NEMP2: variants seen among roughly 807,000 people sequenced by gnomAD.
The protein encoded by NEMP2 is nuclear envelope integral membrane protein 2.
Under a neutral mutation model 54.2 loss-of-function variants are expected in NEMP2, and 53 were observed. The ratio of observed to expected loss-of-function variants is 0.98; its 90% CI spans 0.78 to 1.23. NEMP2 has a LOEUF of 1.23. NEMP2 is among the 50% of genes most tolerant of loss of function. NEMP2 has a pLI of 0.00. For missense variants in NEMP2, 455 were observed against 511.3 expected (o/e 0.89, Z 1.06); for synonymous variants, 197 against 190.3 (o/e 1.04, Z -0.29).
chr2:190,615,642 G>A, the NEMP2 span, among the ~76,000 whole-genome samples: 4 of 152,136 alleles, frequency 2.6e-5, no homozygotes, highest in Non-Finnish European at 2.9e-5. This position sits in a 1 kb window ranked among gnomAD's most constrained non-coding sequence, Gnocchi z 4.7. Flanking sequence ...CTCCCCTCCC[G>A]AGAGATGAGG....
the NEMP2 span, among the ~76,000 whole-genome samples, chr2:190,584,650 A>G: frequency 6.6e-6 from 1 of 152,092 alleles, no homozygotes; most frequent in Admixed American, 6.6e-5. The surrounding 1 kb of genome is among the most constrained non-coding windows in gnomAD (Gnocchi z 4.2). Context: ...AGGCAGGAGG[A>G]TTACTTGAGG....
At chr2:190,497,476 C>A in the NEMP2 span, 1 of 1,614,142 alleles carries the variant, frequency 6.2e-7, no homozygotes, top group Non-Finnish European at 8.5e-7. The surrounding 1 kb of genome is among the most constrained non-coding windows in gnomAD (Gnocchi z 5.2). Flanking sequence ...CTGTTCCCTC[C>A]AGTCCCGTTC....
the NEMP2 span, among the ~76,000 whole-genome samples, chr2:190,422,196 T>C: frequency 6.6e-6 from 1 of 152,210 alleles, no homozygotes. Flanking sequence ...TCACCAGCCA[T>C]CTAAATTTCC....
At chr2:190,499,387 T>C (rs891294180), downstream of NEMP2, among the ~76,000 whole-genome samples, 3 of 152,210 alleles carry the variant, frequency 2.0e-5, no homozygotes, top group East Asian at 3.8e-4. This position sits in a 1 kb window ranked among gnomAD's most constrained non-coding sequence, Gnocchi z 6.0. Context: ...CAATATGGCA[T>C]TTATGGAAAT....
chr2:190,486,552 C>T, the NEMP2 span, among the ~76,000 whole-genome samples: 2 of 152,202 alleles, frequency 1.3e-5, no homozygotes, highest in Non-Finnish European at 2.9e-5. Context: ...TTTTCATTTG[C>T]TTCCCATCTC....
At chr2:190,432,842 T>G in the NEMP2 span, among the ~76,000 whole-genome samples, 1 of 126,034 alleles carries the variant, frequency 7.9e-6, no homozygotes, top group African/African-American at 3.1e-5. Flanking sequence ...ACACACACAC[T>G]CTCTCTCTCT....
chr2:190,514,334 A>G lies in NEMP2; in HGVS notation c.953+119T>C. ...CCCTACACCCCCAATCTTGCTCAGA[A>G]TGAAATCTCCAGATCAAATGTAATT... is the stretch of plus-strand genomic sequence containing the variant. On this transcript the variant is annotated intron_variant, in intron 7 of 8. Coordinates refer to ENST00000409150, the MANE Select transcript of NEMP2 (RefSeq NM_001142645.2). This position sits in a 1 kb window ranked among gnomAD's most constrained non-coding sequence, Gnocchi z 5.7. 1 of 1,012,718 alleles carries G rather than the reference A, an allele frequency of 9.9e-7. No homozygotes were observed. The allele number at this position is 1,012,718 out of a possible 1,614,324, so 62.7% of individuals were successfully genotyped here. A position where few individuals can be genotyped will look rare whatever the true frequency, so the allele number is the denominator to read the frequency against.
the NEMP2 span, among the ~76,000 whole-genome samples, chr2:190,472,288 C>T: frequency 3.9e-5 from 6 of 152,026 alleles, no homozygotes; most frequent in African/African-American, 1.2e-4. Context: ...CAAACTACTC[C>T]GAGCTAAAGG....
the NEMP2 span, among the ~76,000 whole-genome samples, chr2:190,491,537 G>A: frequency 6.6e-6 from 1 of 152,160 alleles, no homozygotes; most frequent in African/African-American, 2.4e-5. This position sits in a 1 kb window ranked among gnomAD's most constrained non-coding sequence, Gnocchi z 4.2. Flanking sequence ...CCTGCTGGGT[G>A]GGCTAGATCC....
At chr2:190,532,360 C>A (rs1352750894) in intron 1 of NEMP2, among the ~76,000 whole-genome samples, 5 of 152,140 alleles carry the variant, frequency 3.3e-5, no homozygotes, top group Non-Finnish European at 5.9e-5. Context: ...AGGTCTTTAA[C>A]TTCAAGTTCA....
chr2:190,595,107 T>C, the NEMP2 span, among the ~76,000 whole-genome samples: 1,331 of 152,072 alleles, frequency 8.8e-3, 7 homozygotes, highest in Middle Eastern at 0.031. The surrounding 1 kb of genome is among the most constrained non-coding windows in gnomAD (Gnocchi z 4.0). Context: ...ATAAATTAGG[T>C]TGTCATCTGA....
the NEMP2 span, among the ~76,000 whole-genome samples, chr2:190,605,668 AC>A: frequency 6.6e-6 from 1 of 151,870 alleles, no homozygotes; most frequent in Non-Finnish European, 1.5e-5. Context: ...TAGCCATCGC[AC>A]CCAGCCCTAC....
the NEMP2 span, among the ~76,000 whole-genome samples, chr2:190,429,202 A>G: frequency 6.7e-6 from 1 of 149,718 alleles, no homozygotes; most frequent in South Asian, 2.1e-4. Context: ...ATAAATTTTT[A>G]TATATCTGTA....
chr2:190,436,087 T>G, the NEMP2 span: 2 of 1,614,164 alleles, frequency 1.2e-6, no homozygotes, highest in Non-Finnish European at 1.7e-6. This position sits in a 1 kb window ranked among gnomAD's most constrained non-coding sequence, Gnocchi z 5.3. Flanking sequence ...GAAGAGAAAG[T>G]ATGTGCTTGC....
chr2:190,599,391 G>A, the NEMP2 span, among the ~76,000 whole-genome samples: 1 of 152,078 alleles, frequency 6.6e-6, no homozygotes, highest in African/African-American at 2.4e-5. Flanking sequence ...GGCAGGCCTC[G>A]AGGAACATCA....
chr2:190,534,724 G>A (rs1691307536), upstream of NEMP2: 1 of 1,147,092 alleles, frequency 8.7e-7, no homozygotes, highest in South Asian at 3.8e-5. Flanking sequence ...AGCGGAAGTG[G>A]CGCGGGGGCT....
chr2:190,427,818 A>C, the NEMP2 span, among the ~76,000 whole-genome samples: 1 of 150,970 alleles, frequency 6.6e-6, no homozygotes, highest in Non-Finnish European at 1.5e-5. Flanking sequence ...TGCAATCCCC[A>C]CCTCCTGGGT....
chr2:190,450,488 C>CTTTTTTTTTTTTTTTTTTTTTTT, the NEMP2 span, among the ~76,000 whole-genome samples: 1 of 97,254 alleles, frequency 1.0e-5, no homozygotes, highest in Non-Finnish European at 1.9e-5. Context: ...TCTCTTTTTC[C>CTTTTTTTTTTTTTTTTTTTTTTT]TTTTTTTTTT....
At chr2:190,479,837 G>A in the NEMP2 span, among the ~76,000 whole-genome samples, 1 of 152,220 alleles carries the variant, frequency 6.6e-6, no homozygotes, top group Non-Finnish European at 1.5e-5. Context: ...GTGGGAGCCG[G>A]GTTAAGATTT....
Sources: allele counts gnomAD v4.1 joint callset (sites outside exome capture counted in the v4.1 genomes callset), GRCh38; gene constraint gnomAD v4.1.1; non-coding constraint Gnocchi (gnomAD v3.1); transcripts MANE v1.5; gene names NCBI Gene and HGNC (gene_info 2026-07-23, HGNC 2026-07-21).